THSD7B: variants seen among roughly 807,000 people sequenced by gnomAD.
The protein encoded by THSD7B is thrombospondin type 1 domain containing 7B.
THSD7B carries 138 observed loss-of-function variants against 213.6 expected under a neutral mutation model. That is an observed-to-expected ratio of 0.65 (90% CI 0.56 to 0.74). The LOEUF (loss-of-function observed/expected upper bound fraction) is 0.74, where lower values mean the gene tolerates loss of function less well. Among genes scored for constraint, THSD7B ranks in the 30% least tolerant of loss-of-function variants. The pLI, the probability that THSD7B is intolerant of heterozygous loss-of-function variation, is 0.00. For synonymous variants in THSD7B, 742 were observed against 687.0 expected (o/e 1.08, Z -1.25); for missense variants, 1,931 against 1,991.5 (o/e 0.97, Z 0.58).
At chr2:136,923,108 C>A (rs1285028209) in intron 2 of THSD7B, among the ~76,000 whole-genome samples, 1 of 152,140 alleles carries the variant, frequency 6.6e-6, no homozygotes. Context: ...ACACTAGATT[C>A]CCCTCCTACC....
At chr2:137,287,120 T>C (rs1432536231) in intron 12 of THSD7B, among the ~76,000 whole-genome samples, 1 of 152,150 alleles carries the variant, frequency 6.6e-6, no homozygotes, top group Non-Finnish European at 1.5e-5. Flanking sequence ...AATTCTGCCA[T>C]GAACACCAGA....
rs536229133 is a variant in THSD7B, at chr2:137,092,865, T to C, written c.951-2008T>C. On this transcript the variant is annotated intron_variant, in intron 3 of 27. Transcript: ENST00000409968. Reference sequence around the variant, plus strand: ...GTTGGCCAGGCTGGTCTCGAACTCCTGACCTCAGGTGATCTGCCTGCCTTG... The same window carrying C: ...GTTGGCCAGGCTGGTCTCGAACTCCCGACCTCAGGTGATCTGCCTGCCTTG... 2.2e-4 allele frequency among the ~76,000 whole-genome samples: 34 copies of C among 152,344 alleles called. No individual in the cohort carries two copies. The South Asian group carries it at 6.8e-3, about 31-fold the overall frequency.
At chr2:137,144,085 G>C (rs1438265075) in intron 5 of THSD7B, among the ~76,000 whole-genome samples, 1 of 152,024 alleles carries the variant, frequency 6.6e-6, no homozygotes, top group Non-Finnish European at 1.5e-5. Flanking sequence ...AGCATAAACG[G>C]AGTCATCATT....
intron 12 of THSD7B, among the ~76,000 whole-genome samples, chr2:137,344,459 G>A (rs566390780): frequency 1.3e-5 from 2 of 151,722 alleles, no homozygotes; most frequent in Admixed American, 6.6e-5. Flanking sequence ...TCATAGTAGA[G>A]ATGAAAAAAG....
rs1388136682 is a variant in THSD7B, at chr2:137,412,615, A to C, written c.2959+743A>C. On this transcript the variant is annotated intron_variant, in intron 14 of 27. Transcript: ENST00000409968. ...TCTGTCTCAAAAAAAAAAAAACAAA[A>C]AAAAACAAAAAACAGTTTTACTATA... 1.1e-4 allele frequency among the ~76,000 whole-genome samples: 16 copies of C among 145,000 alleles called. 2 individuals carry two copies. The highest frequency in any genetic ancestry group is 7.7e-4 in the Admixed American group (11 of 14,368).
intron 14 of THSD7B, among the ~76,000 whole-genome samples, chr2:137,420,985 C>T (rs745476344): frequency 4.6e-5 from 7 of 152,206 alleles, no homozygotes; most frequent in African/African-American, 9.6e-5. Flanking sequence ...TCTTTAAATC[C>T]GGTGGCATAG....
chr2:136,890,482 CCTTT>C lies in THSD7B; in HGVS notation c.139+8169_139+8172del, dbSNP rs1156782412. On this transcript the variant is annotated intron_variant, in intron 2 of 27. Coordinates refer to ENST00000409968, the MANE Select transcript of THSD7B (RefSeq NM_001316349.2). ...CTTCTCCTTTCTTCTCCTTTCTTCT[CCTTT>C]CTTCTCCTTTCTTCTCCTTTCTTCT... is the stretch of plus-strand genomic sequence containing the variant. 1.1e-3 allele frequency among the ~76,000 whole-genome samples: 2 copies of C among 1,792 alleles called. 1 individual carries two copies. The highest frequency in any genetic ancestry group is 2.0e-3 in the African/African-American group (2 of 990). 1.2% of individuals were successfully genotyped at this position (1,792 alleles called of 152,430 possible). A position where few individuals can be genotyped will look rare whatever the true frequency, so the allele number is the denominator to read the frequency against.
chr2:137,387,508 G>A (rs7573931), intron 12 of THSD7B, among the ~76,000 whole-genome samples: 84,947 of 151,948 alleles, frequency 0.56, 26,929 homozygotes, highest in East Asian at 0.78. Flanking sequence ...ATATAATTAA[G>A]CATTAAATTG....
chr2:136,839,078 T>C (rs16836937), intron 1 of THSD7B, among the ~76,000 whole-genome samples: 7,436 of 152,272 alleles, frequency 0.049, 234 homozygotes, highest in East Asian at 0.16. Context: ...TAAACTACCC[T>C]TGAGACACTG....
intron 19 of THSD7B, among the ~76,000 whole-genome samples, chr2:137,619,127 C>A (rs1558861797): frequency 6.6e-6 from 1 of 152,100 alleles, no homozygotes; most frequent in Non-Finnish European, 1.5e-5. Flanking sequence ...TTGGCATTTT[C>A]TTGCCAACAT....
chr2:137,234,414 T>C (rs1274647410), intron 9 of THSD7B, among the ~76,000 whole-genome samples: 2 of 152,106 alleles, frequency 1.3e-5, no homozygotes, highest in African/African-American at 4.8e-5. Flanking sequence ...TCACCCAAGC[T>C]CCGTTATGGG....
chr2:136,785,185 T>C (rs963333367), intron 1 of THSD7B, among the ~76,000 whole-genome samples: 1 of 152,190 alleles, frequency 6.6e-6, no homozygotes. Context: ...CTGCAACATA[T>C]CCTAGTGCCC....
At chr2:137,185,127 A>T (rs1680526786) in intron 7 of THSD7B, among the ~76,000 whole-genome samples, 1 of 152,218 alleles carries the variant, frequency 6.6e-6, no homozygotes, top group South Asian at 2.1e-4. Context: ...GCAAACAGTT[A>T]TCCAGAAGAG....
At chr2:137,494,805 T>G (rs905643044) in intron 15 of THSD7B, among the ~76,000 whole-genome samples, 14 of 152,214 alleles carry the variant, frequency 9.2e-5, no homozygotes. Flanking sequence ...CTCCCAGTCA[T>G]CTAGAATTAC....
At chr2:137,465,542 A>G (rs2105085577) in intron 15 of THSD7B, among the ~76,000 whole-genome samples, 1 of 152,228 alleles carries the variant, frequency 6.6e-6, no homozygotes, top group Non-Finnish European at 1.5e-5. Context: ...CAACCCCTTC[A>G]TTCTGTCAAT....
At chr2:136,837,377 G>T (rs773133393) in intron 1 of THSD7B, among the ~76,000 whole-genome samples, 1 of 151,982 alleles carries the variant, frequency 6.6e-6, no homozygotes, top group Non-Finnish European at 1.5e-5. Flanking sequence ...TTCCATCTCA[G>T]GGCCTCTGTT....
chr2:137,183,374 A>C (rs2105007616), intron 7 of THSD7B, among the ~76,000 whole-genome samples: 1 of 152,302 alleles, frequency 6.6e-6, no homozygotes, highest in East Asian at 1.9e-4. Flanking sequence ...TGAAGGCTTA[A>C]TGGAAGATCT....
intron 15 of THSD7B, among the ~76,000 whole-genome samples, chr2:137,508,786 T>G (rs1679895476): frequency 6.6e-6 from 1 of 152,134 alleles, no homozygotes; most frequent in South Asian, 2.1e-4. Flanking sequence ...GGGAAACTTA[T>G]GGGTTGGAGC....
intron 24 of THSD7B, among the ~76,000 whole-genome samples, chr2:137,657,657 A>G (rs10496785): frequency 0.087 from 13,293 of 152,294 alleles, 663 homozygotes; most frequent in Middle Eastern, 0.16. Flanking sequence ...ATGTACTAGC[A>G]GCTTAGTTTT....
Sources: gnomAD v4.1 joint callset for allele counts (sites outside exome capture counted in the v4.1 genomes callset) on GRCh38, gnomAD v4.1.1 for gene constraint, MANE v1.5 for transcripts, NCBI Gene and HGNC (gene_info 2026-07-23, HGNC 2026-07-21) for gene names.